Variants in RND1 observed in about 807,000 individuals in gnomAD.
RND1 encodes the protein rho-related GTP-binding protein Rho6.
In RND1, 9 loss-of-function variants were observed where a neutral mutation model predicts 27.1. That is an observed-to-expected ratio of 0.33 (90% confidence interval 0.20 to 0.58). RND1 has a LOEUF of 0.58. Among genes scored for constraint, RND1 ranks in the 20% least tolerant of loss-of-function variants. The pLI is 0.86. For missense variants in RND1, 253 were observed against 292.2 expected (o/e 0.87, Z 0.98); for synonymous variants, 108 against 115.7 (o/e 0.93, Z 0.43).
intron 2 of RND1, among the ~76,000 whole-genome samples, chr12:48,864,214 G>A (rs1204434871): frequency 6.6e-6 from 1 of 152,114 alleles, no homozygotes; most frequent in African/African-American, 2.4e-5. Flanking sequence ...TGTGACGAGT[G>A]GGGCTGAGCT....
In RND1 at chr12:48,865,431, G is replaced by A. The variant is rs1448481254; in HGVS notation, c.120+217C>T. 5.1e-6 allele frequency: 3 copies of A among 587,338 alleles called. No homozygotes were observed. The East Asian group carries it at 9.2e-5, about 18-fold the overall frequency. 36.4% of individuals were successfully genotyped at this position (587,338 alleles called of 1,614,324 possible). ...ATGGGTCCTCTGGGTGAAGAGGTGA[G>A]GAGGAGCCAGCGGGGCGGCAGAAGT... On this transcript the variant is annotated intron_variant, in intron 1 of 4. Coordinates refer to ENST00000309739, the MANE Select transcript of RND1 (RefSeq NM_014470.4).
At chr12:48,863,079 C>T (rs1171623996) in intron 2 of RND1, among the ~76,000 whole-genome samples, 1 of 152,090 alleles carries the variant, frequency 6.6e-6, no homozygotes, top group Non-Finnish European at 1.5e-5. Context: ...CTTACCACTG[C>T]AGCACTGAGG....
chr12:48,865,579 A>G (rs1263485809), intron 1 of RND1, 69 bp downstream of exon 1: 16 of 1,530,846 alleles, frequency 1.0e-5, no homozygotes, highest in Non-Finnish European at 1.3e-5. Context: ...TCTCCTGAGC[A>G]GGTGGAAATC....
chr12:48,864,747 G>C, intron 2 of RND1, 36 bp downstream of exon 2: 1 of 1,420,918 alleles, frequency 7.0e-7, no homozygotes, highest in Non-Finnish European at 1.0e-6. Flanking sequence ...CAGACCAGTA[G>C]GGGTGGGAAA....
rs539837491 is a variant in RND1, at chr12:48,864,384, GGTGT to G, written c.208+395_208+398del. Among the ~76,000 whole-genome samples, 836 of 141,782 alleles carry G rather than the reference GGTGT, an allele frequency of 5.9e-3. 6 individuals are homozygous for G. Among genetic ancestry groups the G allele is most frequent in the Middle Eastern group, 0.032 (9 of 284 alleles). The allele number at this position is 141,782 out of a possible 152,430, so 93.0% of individuals were successfully genotyped here. ...TTGGCTTTGCTCTGGGGAAGTAAAA[GGTGT>G]GTGTGTGTGTGTGTGTGTGTGTGTG... On this transcript the variant is annotated intron_variant, in intron 2 of 4. Coordinates refer to ENST00000309739, the MANE Select transcript of RND1 (RefSeq NM_014470.4).
intron 2 of RND1, among the ~76,000 whole-genome samples, chr12:48,864,421 G>GCA (rs1938959597): frequency 6.8e-6 from 1 of 147,638 alleles, no homozygotes; most frequent in East Asian, 2.6e-4. Context: ...GTGTGTGCGC[G>GCA]CGCGCGCGTG....
chr12:48,865,018 CTG>C (rs1555172315), intron 1 of RND1, 148 bp from the exon 2 acceptor site: 2 of 686,104 alleles, frequency 2.9e-6, no homozygotes, highest in Non-Finnish European at 5.3e-6. Context: ...AGGGAAGGGA[CTG>C]TGGAGGACCA....
intron 4 of RND1, chr12:48,858,444 AGACGATGCCT>A (rs1938873523): frequency 1.8e-6 from 1 of 552,782 alleles, no homozygotes; most frequent in East Asian, 3.1e-5. Context: ...CTTTTTCTTA[AGACGATGCCT>A]GACTGCACAT....
chr12:48,859,403 G>C (rs1055425541), intron 4 of RND1: 2 of 152,042 alleles, frequency 1.3e-5, no homozygotes, highest in African/African-American at 2.4e-5. Flanking sequence ...AGCTGGGCGT[G>C]TTGGCAGGCA....
In RND1 at chr12:48,864,848, T is replaced by C; in HGVS notation, c.143A>G (p.Glu48Gly). 6.2e-7 allele frequency: 1 copy of C among 1,613,960 alleles called. No individual in the cohort carries two copies. The change falls in exon 2 of 5, where the codon GAA (glutamate) becomes GGA (glycine). Residue 48 changes from glutamate (E) to glycine (G), a missense_variant. By Grantham distance (98) the Glu-to-Gly change is moderately conservative. Coordinates refer to ENST00000309739, the MANE Select transcript of RND1 (RefSeq NM_014470.4). ...YPETYVPTVFENYTACLETEE... is the reference protein window; with the variant it reads ...YPETYVPTVFGNYTACLETEE... ...TGTCTCCAAACAGGCTGTGTAATTT[T>C]CGAACACGGTGGGCACATAGGTCTG...
chr12:48,865,856 T>C lies in RND1; in HGVS notation c.-89A>G, dbSNP rs373408880. 5.3e-6 allele frequency: 8 copies of C among 1,501,470 alleles called. No individual in the cohort carries two copies. The South Asian group carries it at 6.7e-5, about 13-fold the overall frequency. The allele number at this position is 1,501,470 out of a possible 1,614,324, so 93.0% of individuals were successfully genotyped here. On this transcript the variant is annotated 5_prime_UTR_variant, in exon 1 of 5. Coordinates refer to ENST00000309739, the MANE Select transcript of RND1 (RefSeq NM_014470.4). ...AGCACGCCAATCAAGCCAGATTCCC[T>C]GCCTCCCTCCAACTGAGGAGGAGGC...
Position 48,860,906 on chromosome 12 carries a change from T to C in RND1, c.453+91A>G, listed in dbSNP as rs550193657. 2.4e-5 allele frequency: 37 copies of C among 1,566,524 alleles called. No individual in the cohort carries two copies. The African/African-American group carries it at 3.1e-4, about 13-fold the overall frequency. ...TAACAGCAATTCTCTCTTGCCATAG[T>C]GGAAGAATTTGAGCCAGGGCCATAT... On this transcript the variant is annotated intron_variant, in intron 4 of 4. Coordinates refer to ENST00000309739, the MANE Select transcript of RND1 (RefSeq NM_014470.4).
chr12:48,861,038 C>T lies in RND1; in HGVS notation c.412G>A (p.Glu138Lys). 6.2e-7 allele frequency: 1 copy of T among 1,614,034 alleles called. No individual in the cohort carries two copies. Among genetic ancestry groups the T allele is most frequent in the Non-Finnish European group, 8.5e-7 (1 of 1,180,050 alleles). Reference protein sequence around the residue: ...DLRTDLSTLMELSHQKQAPIS... With the variant: ...DLRTDLSTLMKLSHQKQAPIS... ...GGCGCCTGCTTCTGGTGGGACAGCT[C>T]CATCAGAGTACTCAGGTCTGTTCGC... The change falls in exon 4 of 5, where the codon GAG (glutamate) becomes AAG (lysine). Residue 138 changes from glutamate to lysine, a missense_variant. Glu to Lys is a moderately conservative substitution (Grantham distance 56). Coordinates refer to ENST00000309739, the MANE Select transcript of RND1 (RefSeq NM_014470.4).
chr12:48,859,964 G>A (rs1057285161), intron 4 of RND1, among the ~76,000 whole-genome samples: 3 of 152,066 alleles, frequency 2.0e-5, no homozygotes, highest in African/African-American at 7.2e-5. Flanking sequence ...TTTTTGTAGA[G>A]ACGGGGTTTC....
rs1443866593 is a variant in RND1, at chr12:48,862,115, G to C, written c.212C>G (p.Ser71Cys). The C allele has an allele frequency of 1.3e-6, 2 of 1,595,444 alleles. No individual in the cohort carries two copies. Among genetic ancestry groups the C allele is most frequent in the Non-Finnish European group, 1.7e-6 (2 of 1,163,484 alleles). ...TGGACGGACATTATCGTAGTAGGGA[G>C]ATCCTGGTGTAGGCCAGAAAGAGCT... is the stretch of plus-strand genomic sequence containing the variant. ...VELSLWDTSG[S>C]PYYDNVRPLC... The change falls in exon 3 of 5, where the codon TCT becomes TGT. Residue 71 changes from serine to cysteine, a missense_variant. Transcript: ENST00000309739.
chr12:48,862,482 C>T (rs1938930554), intron 2 of RND1, among the ~76,000 whole-genome samples: 1 of 152,164 alleles, frequency 6.6e-6, no homozygotes, highest in Non-Finnish European at 1.5e-5. Context: ...TCTTCTAGAG[C>T]CTGCCTGCTG....
chr12:48,864,745 T>C (rs764780676), intron 2 of RND1, 38 bp downstream of exon 2: 4 of 1,399,686 alleles, frequency 2.9e-6, no homozygotes, highest in East Asian at 2.3e-5. Flanking sequence ...AGCAGACCAG[T>C]AGGGGTGGGA....
At chr12:48,862,250 C>A (rs762108948) in intron 2 of RND1, 132 bp from the exon 3 acceptor site, 64 of 590,140 alleles carry the variant, frequency 1.1e-4, no homozygotes, top group Non-Finnish European at 1.6e-4. Context: ...GAATGTACTG[C>A]GGCTGGAAGC....
At chr12:48,864,077 C>T (rs1020618093) in intron 2 of RND1, among the ~76,000 whole-genome samples, 28 of 152,192 alleles carry the variant, frequency 1.8e-4, no homozygotes, top group African/African-American at 6.3e-4. Context: ...AGAGGGAAAA[C>T]AGTCAGAGCC....
Sources: gnomAD v4.1 joint callset for allele counts (sites outside exome capture counted in the v4.1 genomes callset) on GRCh38, gnomAD v4.1.1 for gene constraint, MANE v1.5 for transcripts, NCBI Gene and HGNC (gene_info 2026-07-23, HGNC 2026-07-21) for gene names.